ATP6V1A: variants seen among roughly 807,000 people sequenced by gnomAD.
ATP6V1A encodes V-type proton ATPase catalytic subunit A.
ATP6V1A carries 18 observed loss-of-function variants against 70.1 expected under a neutral mutation model. The ratio of observed to expected loss-of-function variants is 0.26; its 90% confidence interval spans 0.18 to 0.38. ATP6V1A has a LOEUF of 0.38. ATP6V1A is among the 10% of genes least tolerant of loss of function. The pLI, the probability that ATP6V1A is intolerant of heterozygous loss-of-function variation, is 1.00. For missense variants in ATP6V1A, 424 were observed against 772.4 expected (o/e 0.55, Z 5.35); for synonymous variants, 232 against 253.8 (o/e 0.91, Z 0.82).
At chr3:113,770,793 T>G (rs1708830470) in intron 1 of ATP6V1A, among the ~76,000 whole-genome samples, 7 of 151,964 alleles carry the variant, frequency 4.6e-5, no homozygotes, top group Admixed American at 4.6e-4. Context: ...TATAGAGATT[T>G]GGGATAAAAT....
chr3:113,807,202 T>A (rs1273543781), intron 14 of ATP6V1A, among the ~76,000 whole-genome samples: 1 of 148,100 alleles, frequency 6.8e-6, no homozygotes, highest in Non-Finnish European at 1.5e-5. Context: ...TTTTTTGAGA[T>A]GGAGTCTTGC....
At chr3:113,800,142 G>A (rs1038024785) in intron 12 of ATP6V1A, among the ~76,000 whole-genome samples, 1 of 151,070 alleles carries the variant, frequency 6.6e-6, no homozygotes. Context: ...TGAGGCAGGA[G>A]AACTGCTTGA....
intron 3 of ATP6V1A, 82 bp from the exon 4 acceptor site, chr3:113,784,142 A>G: frequency 1.5e-6 from 2 of 1,341,574 alleles, no homozygotes; most frequent in Non-Finnish European, 2.1e-6. Flanking sequence ...CTTGAGTGGC[A>G]TTTCCTTGTT....
At chr3:113,796,442 C>T (rs1004959000) in intron 11 of ATP6V1A, among the ~76,000 whole-genome samples, 1 of 152,168 alleles carries the variant, frequency 6.6e-6, no homozygotes, top group African/African-American at 2.4e-5. Context: ...GCATACCCAC[C>T]TTTTTTGAAC....
At chr3:113,798,218 TTG>T (rs1449537250) in intron 11 of ATP6V1A, 23 bp from the exon 12 acceptor site, 4 of 1,607,762 alleles carry the variant, frequency 2.5e-6, no homozygotes, top group East Asian at 2.2e-5. Context: ...ATTACTGTTT[TTG>T]TGTGTGTGTT....
chr3:113,755,909 T>A (rs939999504), intron 1 of ATP6V1A, among the ~76,000 whole-genome samples: 1 of 152,238 alleles, frequency 6.6e-6, no homozygotes, highest in South Asian at 2.1e-4. Context: ...CTTTTCACAT[T>A]GATACAGTTA....
intron 2 of ATP6V1A, 176 bp from the exon 3 acceptor site, chr3:113,780,874 A>G: frequency 7.6e-7 from 1 of 1,307,306 alleles, no homozygotes; most frequent in Admixed American, 2.7e-5. Flanking sequence ...TTTATATTAT[A>G]CACTAAAATA....
chr3:113,804,683 A>G (rs1365432199), intron 13 of ATP6V1A, among the ~76,000 whole-genome samples: 1 of 152,236 alleles, frequency 6.6e-6, no homozygotes, highest in Non-Finnish European at 1.5e-5. Context: ...CGAAGCTTCT[A>G]GGAACCACCT....
chr3:113,787,483 A>G (rs1008146046), intron 6 of ATP6V1A, among the ~76,000 whole-genome samples: 2 of 152,162 alleles, frequency 1.3e-5, no homozygotes, highest in Non-Finnish European at 2.9e-5. Context: ...ACTGATGTCT[A>G]TTTTTGGCTT....
intron 1 of ATP6V1A, among the ~76,000 whole-genome samples, chr3:113,755,619 T>C (rs187586935): frequency 6.6e-6 from 1 of 152,230 alleles, no homozygotes; most frequent in East Asian, 1.9e-4. Flanking sequence ...TATGTAATAA[T>C]AATATGTGCT....
Position 113,784,700 on chromosome 3 carries a change from G to A in ATP6V1A, c.431G>A (p.Gly144Asp). 1 of 1,613,934 alleles carries A rather than the reference G, an allele frequency of 6.2e-7. No individual in the cohort carries two copies. The highest frequency in any genetic ancestry group is 8.5e-7 in the Non-Finnish European group (1 of 1,179,932). Residue 144 changes from glycine (G) to aspartate (D), a missense_variant, in exon 5 of 15, where the codon GGT (glycine) becomes GAT (aspartate). By Grantham distance (94) the Gly-to-Asp change is moderately conservative. This residue lies in a region of ATP6V1A where 139 missense variants were observed against 163.5 expected (regional missense o/e 0.85). Transcript: ENST00000273398. ...DFTPCKNLRV[G>D]SHITGGDIYG... ...AGCAAATACATTTATCTCTAGGTTG[G>A]TAGTCATATCACTGGCGGAGACATT...
At chr3:113,791,558 G>C (rs538529632) in intron 8 of ATP6V1A, among the ~76,000 whole-genome samples, 7 of 152,236 alleles carry the variant, frequency 4.6e-5, no homozygotes, top group Admixed American at 3.3e-4. Flanking sequence ...TAGGAGATGA[G>C]AGGGCTGGCT....
chr3:113,794,761 CTAGCA>C, intron 8 of ATP6V1A, 106 bp from the exon 9 acceptor site: 1 of 1,261,298 alleles, frequency 7.9e-7, no homozygotes, highest in South Asian at 1.5e-5. Flanking sequence ...GAGGGAGCCA[CTAGCA>C]GTCTACGTTG....
intron 1 of ATP6V1A, among the ~76,000 whole-genome samples, chr3:113,756,184 C>G (rs1185986768): frequency 6.6e-6 from 1 of 152,078 alleles, no homozygotes; most frequent in Non-Finnish European, 1.5e-5. Context: ...GGATTAGAGC[C>G]CAGGGAGTCA....
At chr3:113,782,041 C>A (rs1255860142) in intron 3 of ATP6V1A, among the ~76,000 whole-genome samples, 4 of 152,082 alleles carry the variant, frequency 2.6e-5, no homozygotes, top group Admixed American at 1.3e-4. Context: ...GAAGAAGAAC[C>A]ACTTTTTTAG....
At chr3:113,793,979 A>G (rs907280692) in intron 8 of ATP6V1A, among the ~76,000 whole-genome samples, 1 of 152,136 alleles carries the variant, frequency 6.6e-6, no homozygotes, top group Non-Finnish European at 1.5e-5. Flanking sequence ...CATCTGCCAT[A>G]TATACAAGTA....
chr3:113,788,935 CAATT>C (rs1405472691), intron 7 of ATP6V1A, 60 bp downstream of exon 7: 7 of 1,476,296 alleles, frequency 4.7e-6, no homozygotes, highest in Non-Finnish European at 6.5e-6. Flanking sequence ...TGTTCATTGA[CAATT>C]AATAAAGCTT....
chr3:113,766,234 C>T (rs1708768471), intron 1 of ATP6V1A, among the ~76,000 whole-genome samples: 1 of 152,036 alleles, frequency 6.6e-6, no homozygotes, highest in African/African-American at 2.4e-5. Context: ...TGTAGATGGA[C>T]ATCTTCTTGT....
At chr3:113,789,479 C>T (rs1709069623) in intron 7 of ATP6V1A, among the ~76,000 whole-genome samples, 1 of 151,938 alleles carries the variant, frequency 6.6e-6, no homozygotes, top group South Asian at 2.1e-4. Flanking sequence ...GATTTATGAT[C>T]TAGATTATTA....
Sources: gnomAD v4.1 joint callset for allele counts (sites outside exome capture counted in the v4.1 genomes callset) on GRCh38, gnomAD v4.1.1 for gene constraint, gnomAD v4.1.1 regional missense constraint, MANE v1.5 for transcripts, NCBI Gene and HGNC (gene_info 2026-07-23, HGNC 2026-07-21) for gene names.